Variants in SLC41A3 observed in about 807,000 individuals in gnomAD.
The protein encoded by SLC41A3 is SLC41A1-like 2.
Under a neutral mutation model 45.4 loss-of-function variants are expected in SLC41A3, and 44 were observed. The observed-to-expected ratio is 0.97, with a 90% CI of 0.76 to 1.25. SLC41A3 has a LOEUF of 1.25. SLC41A3 is among the 50% of genes most tolerant of loss of function. SLC41A3 has a pLI of 0.00. For missense variants in SLC41A3, 550 were observed against 600.6 expected, an observed-to-expected ratio of 0.92 and a Z score of 0.88; for synonymous variants, 256 against 252.4, an observed-to-expected ratio of 1.01 and a Z score of -0.13.
At chr3:126,059,311 G>GAAAGAAAGAAAGAAAGAAAGA (rs1576331873) in intron 2 of SLC41A3, among the ~76,000 whole-genome samples, 147 of 81,046 alleles carry the variant, frequency 1.8e-3, no homozygotes, top group African/African-American at 2.5e-3. Context: ...AGAAAGAAAG[G>GAAAGAAAGAAAGAAAGAAAGA]AAGGATGATC....
At chr3:126,037,127 G>A (rs1942257098) in intron 3 of SLC41A3, among the ~76,000 whole-genome samples, 1 of 152,148 alleles carries the variant, frequency 6.6e-6, no homozygotes, top group African/African-American at 2.4e-5. Flanking sequence ...TCATAGTAAT[G>A]AGTGAATTCT....
At position 126,016,836 on chromosome 3, in the gene SLC41A3, G is replaced by A. The variant is rs150700000; in HGVS notation, c.785C>T (p.Ala262Val). The change falls in exon 7 of 11, where the codon GCG becomes GTG. Residue 262 changes from alanine to valine, a missense_variant. Physicochemically the swap from Ala to Val is moderately conservative, Grantham distance 64 (BLOSUM62 0). Transcript: ENST00000360370. ...GAGGACCCACACTGGGGTCAGAGCCGCAAAGCTGAGGCAGACCAGCGGCGT... is the reference window on the plus strand; with the variant it reads ...GAGGACCCACACTGGGGTCAGAGCCACAAAGCTGAGGCAGACCAGCGGCGT... ...YLTPLVCLSF[A>V]ALTPVWVLIA... 12,777 of 1,612,848 alleles carry A rather than the reference G, an allele frequency of 7.9e-3. 85 individuals carry two copies. Among genetic ancestry groups the A allele is most frequent in the Non-Finnish European group, 9.5e-3 (11,202 of 1,179,746 alleles).
chr3:126,015,697 T>G, intron 7 of SLC41A3, 124 bp from the exon 8 acceptor site: 1 of 891,776 alleles, frequency 1.1e-6, no homozygotes, highest in African/African-American at 1.6e-5. Context: ...TCCTCTCCCC[T>G]ACACAAAATA....
At chr3:126,009,820 G>C (rs1939513177) in intron 9 of SLC41A3, among the ~76,000 whole-genome samples, 1 of 152,204 alleles carries the variant, frequency 6.6e-6, no homozygotes, top group East Asian at 1.9e-4. Context: ...AAAATCTATA[G>C]GAAAACCATG....
At chr3:126,060,784 G>A (rs936381248) in intron 2 of SLC41A3, among the ~76,000 whole-genome samples, 23 of 152,196 alleles carry the variant, frequency 1.5e-4, no homozygotes, top group African/African-American at 2.2e-4. Context: ...CCAGCTGCAC[G>A]GAGCAGCAGG....
intron 3 of SLC41A3, among the ~76,000 whole-genome samples, chr3:126,039,635 G>A (rs1016414470): frequency 1.5e-4 from 23 of 152,204 alleles, no homozygotes; most frequent in African/African-American, 5.3e-4. Context: ...GAAATGAGTC[G>A]TTAGGTCTTG....
At chr3:126,052,205 C>T (rs1478058315) in intron 2 of SLC41A3, among the ~76,000 whole-genome samples, 1 of 152,162 alleles carries the variant, frequency 6.6e-6, no homozygotes, top group Non-Finnish European at 1.5e-5. Context: ...GGGTGTCCTC[C>T]CACACCTCAC....
chr3:126,048,019 G>A (rs10222517), intron 3 of SLC41A3, among the ~76,000 whole-genome samples: 48,355 of 151,974 alleles, frequency 0.32, 9,147 homozygotes, highest in East Asian at 0.52. Flanking sequence ...AAGGAACTAC[G>A]ACTCAACAAC....
chr3:126,043,210 C>A (rs1942708369), intron 3 of SLC41A3, among the ~76,000 whole-genome samples: 1 of 152,090 alleles, frequency 6.6e-6, no homozygotes, highest in African/African-American at 2.4e-5. Flanking sequence ...GTGGATTTCT[C>A]AGCATAAACT....
intron 1 of SLC41A3, among the ~76,000 whole-genome samples, chr3:126,096,388 C>CT (rs879822268): frequency 6.6e-6 from 1 of 151,712 alleles, no homozygotes; most frequent in African/African-American, 2.4e-5. Flanking sequence ...ACAGCCCCCC[C>CT]ACCCCAAAAA....
chr3:126,067,301 C>A (rs1348287365), intron 2 of SLC41A3, among the ~76,000 whole-genome samples: 1 of 152,160 alleles, frequency 6.6e-6, no homozygotes, highest in East Asian at 1.9e-4. Context: ...TAAATTATGT[C>A]CCTGCAAAAA....
chr3:126,015,785 C>T (rs1940219211), intron 7 of SLC41A3, among the ~76,000 whole-genome samples: 1 of 152,218 alleles, frequency 6.6e-6, no homozygotes, highest in Admixed American at 6.5e-5. Flanking sequence ...TGAGCCTCAA[C>T]CATTGCAGAA....
At chr3:126,042,642 T>C (rs1375130043) in intron 3 of SLC41A3, among the ~76,000 whole-genome samples, 1 of 152,112 alleles carries the variant, frequency 6.6e-6, no homozygotes, top group Non-Finnish European at 1.5e-5. Context: ...AAAGGACATA[T>C]AACTTTAGGA....
At chr3:126,050,111 C>T (rs1705097879) in intron 3 of SLC41A3, among the ~76,000 whole-genome samples, 2 of 152,178 alleles carry the variant, frequency 1.3e-5, no homozygotes, top group Non-Finnish European at 2.9e-5. Context: ...AGGGCCTCTT[C>T]CCTATAAGTT....
rs77023114 is a variant in SLC41A3 at position 126,042,385 on chromosome 3, G to A, written c.381+8558C>T. Among the ~76,000 whole-genome samples, 3 of 152,136 alleles carry A rather than the reference G, an allele frequency of 2.0e-5. No homozygotes were observed. In the East Asian group the frequency reaches 5.8e-4, roughly 29 times the overall value. On this transcript the variant is annotated intron_variant, in intron 3 of 10. Coordinates refer to ENST00000360370, the MANE Select transcript of SLC41A3 (RefSeq NM_017836.4). ...ATGCATGCCAGAAAACCCCCGAAAA[G>A]ACCTTAAGCCTTCATGCCAGACTAA...
chr3:126,027,696 T>C (rs1416198997), intron 4 of SLC41A3, among the ~76,000 whole-genome samples: 1 of 152,178 alleles, frequency 6.6e-6, no homozygotes, highest in Admixed American at 6.5e-5. Context: ...GATAAGGGAA[T>C]GTTTGGAACT....
chr3:126,063,949 A>ACCCCCCCCCCCCCCCCCCCCCCCAC (rs56806357), intron 2 of SLC41A3, among the ~76,000 whole-genome samples: 1 of 101,996 alleles, frequency 9.8e-6, no homozygotes. Context: ...GCCAGATCCA[A>ACCCCCCCCCCCCCCCCCCCCCCCAC]CCCCCCCCCG....
chr3:126,023,686 C>A (rs1364552016), intron 5 of SLC41A3: 1 of 152,008 alleles, frequency 6.6e-6, no homozygotes, highest in African/African-American at 2.4e-5. Context: ...GTGAGGCTCA[C>A]GTTTCCGTGG....
intron 8 of SLC41A3, 152 bp from the exon 9 acceptor site, chr3:126,012,901 G>A: frequency 8.0e-7 from 1 of 1,252,426 alleles, no homozygotes; most frequent in Non-Finnish European, 1.1e-6. Flanking sequence ...CACAGATCTT[G>A]TTTGGCAGCA....
Sources: allele counts gnomAD v4.1 joint callset (sites outside exome capture counted in the v4.1 genomes callset), GRCh38; gene constraint gnomAD v4.1.1; transcripts MANE v1.5; gene names NCBI Gene and HGNC (gene_info 2026-07-23, HGNC 2026-07-21).